DOCK9: variants seen among roughly 807,000 people sequenced by gnomAD.
The protein encoded by DOCK9 is dedicator of cytokinesis protein 9.
In DOCK9, 89 loss-of-function variants were observed where a neutral mutation model predicts 263.3. That is an observed-to-expected ratio of 0.34 (90% CI 0.28 to 0.40). DOCK9 has a LOEUF of 0.40. Ranked by LOEUF, DOCK9 falls within the 10% of genes least tolerant of loss-of-function variation. DOCK9 has a pLI of 1.00. For missense variants in DOCK9, 2,140 were observed against 2,603.4 expected (o/e 0.82, Z 3.87); for synonymous variants, 976 against 973.1 (o/e 1.00, Z -0.06).
chr13:99,008,234 A>ATATATATAT (rs1233268084), intron 1 of DOCK9, among the ~76,000 whole-genome samples: 2 of 94,100 alleles, frequency 2.1e-5, no homozygotes, highest in Non-Finnish European at 2.0e-5. Context: ...ATATATATAT[A>ATATATATAT]TTTTTTTTTT....
intron 27 of DOCK9, among the ~76,000 whole-genome samples, chr13:98,879,167 C>T (rs1158541151): frequency 1.3e-5 from 2 of 152,162 alleles, no homozygotes; most frequent in Non-Finnish European, 2.9e-5. Flanking sequence ...AACTTATCTA[C>T]CTTGAGCCTC....
At chr13:98,923,700 A>G (rs1219921272) in intron 4 of DOCK9, among the ~76,000 whole-genome samples, 1 of 152,238 alleles carries the variant, frequency 6.6e-6, no homozygotes, top group Non-Finnish European at 1.5e-5. Flanking sequence ...ATGAGGAAAA[A>G]AAGGAAGATT....
intron 1 of DOCK9, among the ~76,000 whole-genome samples, chr13:99,059,473 C>T (rs943169677): frequency 1.6e-4 from 25 of 151,906 alleles, no homozygotes; most frequent in African/African-American, 5.6e-4. Context: ...TGTCTACTTC[C>T]TATCATTCCC....
chr13:98,797,022 C>T (rs780970747), intron 52 of DOCK9, 93 bp downstream of exon 52: 9 of 1,345,076 alleles, frequency 6.7e-6, no homozygotes, highest in Non-Finnish European at 9.5e-6. Flanking sequence ...TGTCACAGTT[C>T]TGGAAGGATA....
At chr13:98,887,250 C>T (rs192428300) in intron 18 of DOCK9, among the ~76,000 whole-genome samples, 3 of 149,036 alleles carry the variant, frequency 2.0e-5, no homozygotes, top group Admixed American at 6.7e-5. Context: ...CTAGACTGCC[C>T]GGGTTTGAAT....
intron 43 of DOCK9, 37 bp from the exon 44 acceptor site, chr13:98,826,924 A>C: frequency 6.5e-7 from 1 of 1,545,202 alleles, no homozygotes. Flanking sequence ...ATCATCATTC[A>C]TAACAGCAAG....
At chr13:98,989,864 C>A (rs1438468240) in intron 1 of DOCK9, among the ~76,000 whole-genome samples, 1 of 152,212 alleles carries the variant, frequency 6.6e-6, no homozygotes, top group Admixed American at 6.5e-5. Flanking sequence ...CCTCTTCCCC[C>A]ACTCCTCCTT....
intron 1 of DOCK9, among the ~76,000 whole-genome samples, chr13:99,058,173 T>C (rs890198645): frequency 2.0e-5 from 3 of 151,316 alleles, no homozygotes; most frequent in African/African-American, 7.3e-5. Flanking sequence ...TATCTTTTTT[T>C]TTTTTTTTTG....
Position 98,883,126 on chromosome 13 carries a change from C to T in DOCK9, c.2475G>A (p.Gln825=). The stretch of plus-strand genomic sequence containing the variant: ...AGTACTGGAAAAAATTATGTAAATG[C>T]TGATCCTGAGGTAGGGAAAAAGGAA... The part of the protein sequence containing the change: ...HLVSTVYTQD[Q]HLHNFFQYCQ... The change falls in exon 23 of 53, where the codon CAG becomes CAA. Residue 825 remains glutamine, a synonymous_variant. Coordinates refer to ENST00000682017, the MANE Select transcript of DOCK9 (RefSeq NM_001366683.2). The T allele has an allele frequency of 6.2e-7, 1 of 1,613,230 alleles. No homozygotes were observed.
chr13:98,806,366 A>T (rs565236830), intron 48 of DOCK9, among the ~76,000 whole-genome samples: 6 of 152,372 alleles, frequency 3.9e-5, no homozygotes, highest in African/African-American at 1.2e-4. Context: ...CTATGCAGAA[A>T]CAAAAGCTAA....
chr13:98,914,197 G>A, intron 9 of DOCK9, 131 bp downstream of exon 9: 2 of 764,718 alleles, frequency 2.6e-6, no homozygotes. Flanking sequence ...TCGTAATCAG[G>A]TCAGAAAAAG....
intron 50 of DOCK9, among the ~76,000 whole-genome samples, chr13:98,799,845 A>G (rs183186816): frequency 6.6e-6 from 1 of 152,346 alleles, no homozygotes; most frequent in East Asian, 1.9e-4. Context: ...TGATTGGGCT[A>G]TATTAAAATA....
chr13:99,062,020 T>C (rs1447402979), intron 1 of DOCK9, among the ~76,000 whole-genome samples: 1 of 152,070 alleles, frequency 6.6e-6, no homozygotes, highest in Non-Finnish European at 1.5e-5. Flanking sequence ...CACAGTCACA[T>C]GCCACCATGC....
intron 2 of DOCK9, among the ~76,000 whole-genome samples, chr13:98,948,036 G>A (rs1448454145): frequency 5.3e-5 from 8 of 152,110 alleles, no homozygotes; most frequent in East Asian, 1.9e-4. Context: ...ACAAAACATC[G>A]TGAAAAATAA....
At position 98,889,345 on chromosome 13, in the gene DOCK9, C is replaced by T. The variant is rs566564355; in HGVS notation, c.1710-634G>A. Among the ~76,000 whole-genome samples the T allele has an allele frequency of 1.3e-3, 192 of 152,268 alleles. 1 individual carries two copies. The highest frequency in any genetic ancestry group is 0.01 in the Middle Eastern group (3 of 294). ...AATCACAGAAATCACCACTAAAGAA[C>T]TTATTCATGTAAGCAAACACCACCT... On this transcript the variant is annotated intron_variant, in intron 15 of 52. Transcript: ENST00000682017.
chr13:99,080,754 A>G (rs1199847096), intron 1 of DOCK9, among the ~76,000 whole-genome samples: 1 of 152,172 alleles, frequency 6.6e-6, no homozygotes, highest in African/African-American at 2.4e-5. Context: ...TGGTCACTGA[A>G]CCACGTTTGA....
chr13:99,061,564 A>G (rs370331223), intron 1 of DOCK9, among the ~76,000 whole-genome samples: 74 of 152,244 alleles, frequency 4.9e-4, no homozygotes, highest in African/African-American at 1.7e-3. Context: ...CAGACTGGGG[A>G]AGCCAGCGTC....
chr13:98,884,591 G>A (rs1405473033), intron 21 of DOCK9, among the ~76,000 whole-genome samples: 1 of 152,236 alleles, frequency 6.6e-6, no homozygotes, highest in Non-Finnish European at 1.5e-5. Flanking sequence ...AACCCTGTGG[G>A]TGAGAGATTT....
intron 1 of DOCK9, among the ~76,000 whole-genome samples, chr13:99,023,146 G>A (rs1199215810): frequency 6.6e-6 from 1 of 152,184 alleles, no homozygotes; most frequent in Non-Finnish European, 1.5e-5. Context: ...AAGACTTGAA[G>A]AGAGATGTGC....
Sources: gnomAD v4.1 joint callset for allele counts (sites outside exome capture counted in the v4.1 genomes callset) on GRCh38, gnomAD v4.1.1 for gene constraint, MANE v1.5 for transcripts, NCBI Gene and HGNC (gene_info 2026-07-23, HGNC 2026-07-21) for gene names.